DSP: variants seen among roughly 807,000 people sequenced by gnomAD.
DSP encodes the protein desmoplakin.
A neutral mutation model predicts 290.6 loss-of-function variants in DSP; 114 were observed. The observed-to-expected ratio is 0.39, with a 90% CI of 0.34 to 0.46. The LOEUF is 0.46. DSP is among the 20% of genes least tolerant of loss of function. DSP has a pLI of 0.99. For missense variants in DSP, 3,230 were observed against 3,495.8 expected, an observed-to-expected ratio of 0.92 and a Z score of 1.92; for synonymous variants, 1,311 against 1,316.4, an observed-to-expected ratio of 1.00 and a Z score of 0.09.
rs121912999 is a variant in DSP at position 7,585,763 on chromosome 6, G to A, written c.8501G>A (p.Arg2834His). The A allele has an allele frequency of 1.2e-6, 2 of 1,607,646 alleles. No homozygotes were observed. The highest frequency in any genetic ancestry group is 1.1e-5 in the South Asian group (1 of 90,474). Reference protein sequence around the residue: ...GSRSGSRSGSRSGSRSGSRSG... With the variant: ...GSRSGSRSGSHSGSRSGSRSG... The stretch of plus-strand genomic sequence containing the variant: ...CGCTCCGGCTCCCGCTCGGGATCTC[G>A]CTCCGGATCTCGCTCCGGGTCCCGC... Residue 2834 changes from arginine (R) to histidine (H), a missense_variant, in exon 24 of 24, where the codon CGC (arginine) becomes CAC (histidine). Around this residue, in one of 5 missense-constraint regions of DSP, gnomAD observed 582 missense variants for 555.4 expected, o/e 1.05. Transcript: ENST00000379802.
chr6:7,578,890 C>T (rs1759328857), intron 22 of DSP, among the ~76,000 whole-genome samples: 2 of 152,142 alleles, frequency 1.3e-5, no homozygotes, highest in African/African-American at 4.8e-5. Context: ...TTTTTATATT[C>T]AGTGATTGTT....
At chr6:7,564,894 C>T (rs1323954160) in intron 6 of DSP, among the ~76,000 whole-genome samples, 3 of 152,124 alleles carry the variant, frequency 2.0e-5, no homozygotes, top group African/African-American at 7.2e-5. Context: ...CCCATAATTC[C>T]AGCACTTTGG....
intron 1 of DSP, among the ~76,000 whole-genome samples, chr6:7,542,470 T>C (rs1393607466): frequency 6.6e-6 from 1 of 151,912 alleles, no homozygotes; most frequent in Non-Finnish European, 1.5e-5. Flanking sequence ...TCTCCAACCG[T>C]AATCAAAGTA....
rs1389372131 is a variant in DSP, at chr6:7,569,301, T to C, written c.1535T>C (p.Ile512Thr). 1 of 1,613,884 alleles carries C rather than the reference T, an allele frequency of 6.2e-7. No homozygotes were observed. The highest frequency in any genetic ancestry group is 1.1e-5 in the South Asian group (1 of 91,046). Residue 512 changes from isoleucine to threonine, a missense_variant, in exon 12 of 24, where the codon ATC becomes ACC. Coordinates refer to ENST00000379802, the MANE Select transcript of DSP (RefSeq NM_004415.4). The part of the protein sequence containing the change: ...DMLVPSVGLI[I>T]PPPNPLAVDL... Reference sequence around the variant, plus strand: ...CTTGTTCCCTCTGTGGGGCTGATCATCCCTCCTCCGAACCCACTGGCCGTG... The same window carrying C: ...CTTGTTCCCTCTGTGGGGCTGATCACCCCTCCTCCGAACCCACTGGCCGTG...
At position 7,585,008 on chromosome 6, in the gene DSP, T is replaced by C. The variant is rs1759591453; in HGVS notation, c.7746T>C (p.Phe2582=). 4 of 1,614,242 alleles carry C rather than the reference T, an allele frequency of 2.5e-6. No individual in the cohort carries two copies. The highest frequency in any genetic ancestry group is 3.4e-6 in the Non-Finnish European group (4 of 1,180,040). The change falls in exon 24 of 24, where the codon TTT becomes TTC. Residue 2582 remains phenylalanine (F), a synonymous_variant. Coordinates refer to ENST00000379802, the MANE Select transcript of DSP (RefSeq NM_004415.4). ...GCAGTGGTGTCAGCGATGATGTTTT[T>C]AGCAGCTCCCGACATGAATCAGTAA... ...SMGSGVSDDV[F]SSSRHESVSK...
chr6:7,546,049 T>C (rs534007131), intron 1 of DSP, among the ~76,000 whole-genome samples: 48 of 152,180 alleles, frequency 3.2e-4, no homozygotes, highest in African/African-American at 1.1e-3. Context: ...GTCTCCTCCA[T>C]TGGAGGAGCA....
rs794728128 is a variant in DSP, at chr6:7,583,246, T to C, written c.5984T>C (p.Leu1995Ser). ...GACAAAACAACCTTGGACAAACTAT[T>C]GAAGGGGAAGAAGTCAGTGGAAGAA... The part of the protein sequence containing the change: ...LIDKTTLDKL[L>S]KGKKSVEEVA... Residue 1995 changes from leucine to serine, a missense_variant, in exon 24 of 24, where the codon TTG becomes TCG. Transcript: ENST00000379802. The surrounding 1 kb of genome is among the most constrained non-coding windows in gnomAD (Gnocchi z 4.0). 12 of 1,613,982 alleles carry C rather than the reference T, an allele frequency of 7.4e-6. No homozygotes were observed. Among genetic ancestry groups the C allele is most frequent in the Non-Finnish European group, 9.3e-6 (11 of 1,180,026 alleles).
intron 5 of DSP, 147 bp downstream of exon 5, chr6:7,562,927 G>T: frequency 8.2e-7 from 1 of 1,218,946 alleles, no homozygotes; most frequent in Non-Finnish European, 1.2e-6. Context: ...CTTCTTAAAT[G>T]GGGAAGTGGA....
intron 10 of DSP, 125 bp downstream of exon 10, chr6:7,568,031 T>G: frequency 7.1e-7 from 1 of 1,403,234 alleles, no homozygotes; most frequent in Non-Finnish European, 9.7e-7. Context: ...AGCAAGCATT[T>G]TCTTCAGCTT....
At position 7,581,495 on chromosome 6, in the gene DSP, C is replaced by T. The variant is rs946445410; in HGVS notation, c.5305C>T (p.Leu1769=). ...SNNRTLELQG[L]INDLQREREN... ...CAACCGGACCCTGGAACTGCAGGGG[C>T]TGATTAATGATTTACAGAGAGAGAG... The change falls in exon 23 of 24, where the codon CTG becomes TTG. Residue 1769 remains leucine (L), a synonymous_variant. Coordinates refer to ENST00000379802, the MANE Select transcript of DSP (RefSeq NM_004415.4). The T allele has an allele frequency of 3.1e-6, 5 of 1,613,762 alleles. No homozygotes were observed. The African/African-American group carries it at 5.3e-5, about 17-fold the overall frequency.
Position 7,565,272 on chromosome 6 carries a change from G to A in DSP, c.778-87G>A. The A allele has an allele frequency of 6.5e-7, 1 of 1,532,220 alleles. No homozygotes were observed. The highest frequency in any genetic ancestry group is 8.9e-7 in the Non-Finnish European group (1 of 1,117,412). The allele number at this position is 1,532,220 out of a possible 1,614,324, so 94.9% of individuals were successfully genotyped here. A position where few individuals can be genotyped will look rare whatever the true frequency, so the allele number is the denominator to read the frequency against. On this transcript the variant is annotated intron_variant, in intron 6 of 23. Transcript: ENST00000379802. This position sits in a 1 kb window ranked among gnomAD's most constrained non-coding sequence, Gnocchi z 4.2. ...TATCCGTGTGATTTTTTTTTTAAAGGGACCACAGGTTTAATCTTTAAACCT... is the reference window on the plus strand; with the variant it reads ...TATCCGTGTGATTTTTTTTTTAAAGAGACCACAGGTTTAATCTTTAAACCT...
chr6:7,542,237 G>C (rs1430034816), intron 1 of DSP, 152 bp downstream of exon 1: 1 of 1,084,290 alleles, frequency 9.2e-7, no homozygotes, highest in Non-Finnish European at 1.3e-6. Context: ...CTGGGAGCAG[G>C]ACCGGGTGTC....
chr6:7,568,637 A>G (rs1758937628), intron 11 of DSP, 48 bp downstream of exon 11: 1 of 1,607,226 alleles, frequency 6.2e-7, no homozygotes, highest in Non-Finnish European at 8.5e-7. Flanking sequence ...GTCTTTACAC[A>G]CAAATTTTTG....
At position 7,580,315 on chromosome 6, in the gene DSP, C is replaced by T; in HGVS notation, c.4125C>T (p.Thr1375=). The part of the protein sequence containing the change: ...QFETEINITK[T]TIHQLTMQKE... ...AGACCGAGATCAACATCACCAAGAC[C>T]ACCATCCACCAGCTCACCATGCAGA... Residue 1375 remains threonine (T), a synonymous_variant, in exon 23 of 24, where the codon ACC becomes ACT. Coordinates refer to ENST00000379802, the MANE Select transcript of DSP (RefSeq NM_004415.4). This position sits in a 1 kb window ranked among gnomAD's most constrained non-coding sequence, Gnocchi z 4.2. 6.2e-7 allele frequency: 1 copy of T among 1,613,810 alleles called. No homozygotes were observed. Among genetic ancestry groups the T allele is most frequent in the Non-Finnish European group, 8.5e-7 (1 of 1,179,920 alleles).
At position 7,585,292 on chromosome 6, in the gene DSP, A is replaced by G. The variant is rs749806703; in HGVS notation, c.8030A>G (p.Gln2677Arg). The change falls in exon 24 of 24, where the codon CAG (glutamine) becomes CGG (arginine). Residue 2677 changes from glutamine (Q) to arginine (R), a missense_variant. Gln to Arg is a conservative substitution (Grantham distance 43). This residue lies in a region of DSP where 582 missense variants were observed against 555.4 expected (regional missense o/e 1.05). Transcript: ENST00000379802. ...CTGTCACTTCAGGACGCAGTCTCCC[A>G]GGGTGTGATTGACCAAGACATGGCC... ...QKLSLQDAVS[Q>R]GVIDQDMATR... The G allele has an allele frequency of 3.7e-6, 6 of 1,614,064 alleles. No homozygotes were observed. Among genetic ancestry groups the G allele is most frequent in the African/African-American group, 2.7e-5 (2 of 74,922 alleles).
rs1193290832 is a variant in DSP at position 7,580,260 on chromosome 6, A to G, written c.4070A>G (p.Glu1357Gly). The change falls in exon 23 of 24, where the codon GAG becomes GGG. Residue 1357 changes from glutamate (E) to glycine (G), a missense_variant. Glu to Gly is a moderately conservative substitution (Grantham distance 98). Coordinates refer to ENST00000379802, the MANE Select transcript of DSP (RefSeq NM_004415.4). The surrounding 1 kb of genome is among the most constrained non-coding windows in gnomAD (Gnocchi z 4.2). ...AGTAAGGTAAGAAACAATTATGATG[A>G]GGAGATCATTAGCTTAAAAAATCAG... ...ELSKVRNNYD[E>G]EIISLKNQFE... 1 of 1,613,900 alleles carries G rather than the reference A, an allele frequency of 6.2e-7. No individual in the cohort carries two copies. The highest frequency in any genetic ancestry group is 8.5e-7 in the Non-Finnish European group (1 of 1,179,990).
chr6:7,551,859 T>A (rs898022224), intron 1 of DSP, among the ~76,000 whole-genome samples: 1 of 152,184 alleles, frequency 6.6e-6, no homozygotes, highest in African/African-American at 2.4e-5. Context: ...TATACCTTAG[T>A]TGGCCTGAGT....
At chr6:7,574,921 G>C in intron 17 of DSP, 126 bp downstream of exon 17, 1 of 1,217,842 alleles carries the variant, frequency 8.2e-7, no homozygotes, top group Non-Finnish European at 1.2e-6. Context: ...GGCCACACAG[G>C]TTGACATCAG....
intron 4 of DSP, 48 bp from the exon 5 acceptor site, chr6:7,562,604 G>A: frequency 6.2e-7 from 1 of 1,612,728 alleles, no homozygotes; most frequent in Non-Finnish European, 8.5e-7. Flanking sequence ...TGAAACAGGT[G>A]CAAAGGGGCA....
Sources: allele counts gnomAD v4.1 joint callset (sites outside exome capture counted in the v4.1 genomes callset), GRCh38; gene constraint gnomAD v4.1.1; regional missense constraint gnomAD v4.1.1; non-coding constraint Gnocchi (gnomAD v3.1); transcripts MANE v1.5; gene names NCBI Gene and HGNC (gene_info 2026-07-23, HGNC 2026-07-21).